The following SYNCRIP variants were observed in gnomAD, a reference collection of about 807,000 sequenced individuals.
The protein encoded by SYNCRIP is synaptotagmin binding cytoplasmic RNA interacting protein.
In SYNCRIP, 9 loss-of-function variants were observed where a neutral mutation model predicts 68.9. That is an observed-to-expected ratio of 0.13 (90% confidence interval 0.08 to 0.23). The LOEUF (loss-of-function observed/expected upper bound fraction) is 0.23, where lower values mean the gene tolerates loss of function less well. SYNCRIP is among the 10% of genes least tolerant of loss of function. The probability of loss-of-function intolerance (pLI) is 1.00; values close to 1 mark genes in which losing one functional copy is unlikely to be tolerated. For missense variants in SYNCRIP, 414 were observed against 770.6 expected (o/e 0.54, Z 5.48); for synonymous variants, 258 against 254.0 (o/e 1.02, Z -0.15).
intron 2 of SYNCRIP, 49 bp downstream of exon 2, chr6:85,641,243 A>G: frequency 6.5e-7 from 1 of 1,536,318 alleles, no homozygotes; most frequent in Non-Finnish European, 8.9e-7. Flanking sequence ...AAAGCCAGAA[A>G]TCCAATAGAA....
rs1247941095 is a variant in SYNCRIP, at chr6:85,637,275, A to G, written c.457T>C (p.Tyr153His). The G allele has an allele frequency of 1.2e-6, 2 of 1,614,054 alleles. No individual in the cohort carries two copies. The highest frequency in any genetic ancestry group is 2.7e-5 in the African/African-American group (2 of 74,946). The change falls in exon 5 of 11, where the codon TAT becomes CAT. Residue 153 changes from tyrosine (Y) to histidine (H), a missense_variant. Tyr to His is a moderately conservative substitution (Grantham distance 83). Coordinates refer to ENST00000369622, the MANE Select transcript of SYNCRIP (RefSeq NM_006372.5). ...CCAACAGAAGGCTGCTGACCTGAAT[A>G]AACGGAATCTGGAGGTGGTCCTCCA... ...KYGGPPPDSV[Y>H]SGQQPSVGTE...
rs553973725 is a variant in SYNCRIP, at chr6:85,634,386, G to A, written c.666+2581C>T. Among the ~76,000 whole-genome samples the A allele has an allele frequency of 3.9e-5, 6 of 152,250 alleles. No individual in the cohort carries two copies. In the East Asian group the frequency reaches 1.2e-3, roughly 29 times the overall value. ...TGACGGCAAGAATTAGGTAACCTAC[G>A]ATGTCAGTTTAATGATTCTTTTTCA... On this transcript the variant is annotated intron_variant, in intron 6 of 10. Coordinates refer to ENST00000369622, the MANE Select transcript of SYNCRIP (RefSeq NM_006372.5).
chr6:85,633,649 T>C (rs1808091674), intron 6 of SYNCRIP, among the ~76,000 whole-genome samples: 1 of 152,176 alleles, frequency 6.6e-6, no homozygotes, highest in Admixed American at 6.5e-5. Flanking sequence ...TATATCCTAC[T>C]GGCTGTATAC....
chr6:85,642,329 G>A (rs1809285873), intron 1 of SYNCRIP, among the ~76,000 whole-genome samples: 1 of 152,138 alleles, frequency 6.6e-6, no homozygotes. Flanking sequence ...CGCTGTGCAG[G>A]TCCCCACCCC....
chr6:85,630,021 C>T (rs1055014821), intron 6 of SYNCRIP, among the ~76,000 whole-genome samples: 2 of 151,174 alleles, frequency 1.3e-5, no homozygotes, highest in African/African-American at 4.9e-5. Context: ...TGACAGTATA[C>T]ATAACCAATC....
At chr6:85,615,374 G>T in intron 10 of SYNCRIP, 27 bp from the exon 11 acceptor site, 2 of 1,406,884 alleles carry the variant, frequency 1.4e-6, no homozygotes, top group Non-Finnish European at 1.9e-6. Flanking sequence ...AGAGATTAGA[G>T]TTTAAATCAA....
At chr6:85,630,430 T>C (rs748716231) in intron 6 of SYNCRIP, among the ~76,000 whole-genome samples, 4 of 152,226 alleles carry the variant, frequency 2.6e-5, no homozygotes, top group African/African-American at 4.8e-5. Flanking sequence ...TGCTTGTACA[T>C]AGACATTATT....
At chr6:85,628,455 C>T (rs1185358274) in intron 6 of SYNCRIP, among the ~76,000 whole-genome samples, 1 of 152,130 alleles carries the variant, frequency 6.6e-6, no homozygotes, top group Admixed American at 6.5e-5. Flanking sequence ...TTTCATATAC[C>T]TGGCACACAA....
Position 85,615,025 on chromosome 6 carries a change from C to T in SYNCRIP, c.1603G>A (p.Val535Ile), listed in dbSNP as rs200994802. ...TGGGCACCTCCTCTCGCACCTCGAA[C>T]GCCTCTTGCTGATCCAGGACCTCCT... is the stretch of plus-strand genomic sequence containing the variant. ...QRGGPGSARGVRGARGGAQQQ... is the reference protein window; with the variant it reads ...QRGGPGSARGIRGARGGAQQQ... The change falls in exon 11 of 11, where the codon GTT becomes ATT. Residue 535 changes from valine (V) to isoleucine (I), a missense_variant. Physicochemically the swap from Val to Ile is conservative, Grantham distance 29. Coordinates refer to ENST00000369622, the MANE Select transcript of SYNCRIP (RefSeq NM_006372.5). The T allele has an allele frequency of 2.1e-4, 337 of 1,613,944 alleles. No homozygotes were observed. The highest frequency in any genetic ancestry group is 2.6e-4 in the Non-Finnish European group (307 of 1,179,944).
chr6:85,617,346 G>C (rs1280355387), intron 10 of SYNCRIP, among the ~76,000 whole-genome samples: 1 of 152,086 alleles, frequency 6.6e-6, no homozygotes, highest in Non-Finnish European at 1.5e-5. Flanking sequence ...AGTACCAAAT[G>C]TAACTGCTCT....
intron 7 of SYNCRIP, among the ~76,000 whole-genome samples, chr6:85,623,719 A>G (rs1806717769): frequency 6.6e-6 from 1 of 152,198 alleles, no homozygotes; most frequent in African/African-American, 2.4e-5. Context: ...AAAACATAGG[A>G]AGAACAATGA....
chr6:85,617,525 T>G (rs1273408063), intron 10 of SYNCRIP, among the ~76,000 whole-genome samples: 1 of 152,272 alleles, frequency 6.6e-6, no homozygotes, highest in African/African-American at 2.4e-5. Flanking sequence ...TTCCTTCATT[T>G]ACACTATCAT....
chr6:85,619,094 T>G (rs1200966324), intron 9 of SYNCRIP, among the ~76,000 whole-genome samples, 155 bp from the exon 10 acceptor site: 3 of 152,224 alleles, frequency 2.0e-5, no homozygotes, highest in Admixed American at 1.3e-4. Context: ...AGATATTCAA[T>G]TATTTTTCAT....
chr6:85,623,846 T>C, intron 7 of SYNCRIP, 131 bp downstream of exon 7: 1 of 1,135,234 alleles, frequency 8.8e-7, no homozygotes, highest in Non-Finnish European at 1.2e-6. Flanking sequence ...TGGGGTTACC[T>C]ACACTTCAAA....
Position 85,640,339 on chromosome 6 carries a change from AT to A in SYNCRIP, c.268-12del, listed in dbSNP as rs778076362. ...AAAGGCACTTTTGTTCTGCAAAAAA[AT>A]GTTCCATTAATATTTAACAATAACC... On this transcript the variant is annotated splice_polypyrimidine_tract_variant and intron_variant, in intron 3 of 10. Transcript: ENST00000369622. 1.3e-5 allele frequency: 21 copies of A among 1,609,290 alleles called. No homozygotes were observed. Among genetic ancestry groups the A allele is most frequent in the African/African-American group, 2.7e-5 (2 of 74,752 alleles).
intron 6 of SYNCRIP, among the ~76,000 whole-genome samples, chr6:85,632,475 G>A (rs1807911004): frequency 6.6e-6 from 1 of 152,046 alleles, no homozygotes; most frequent in South Asian, 2.1e-4. Context: ...CTTAGGAAAG[G>A]GGTATTCATG....
At chr6:85,635,774 C>CAAAAAAAAAAAAAAA (rs58599854) in intron 6 of SYNCRIP, among the ~76,000 whole-genome samples, 3 of 78,908 alleles carry the variant, frequency 3.8e-5, no homozygotes, top group African/African-American at 1.4e-4. Flanking sequence ...TTCTATCTCC[C>CAAAAAAAAAAAAAAA]AAAAAAAAAA....
intron 10 of SYNCRIP, among the ~76,000 whole-genome samples, chr6:85,618,230 T>A (rs115116993): frequency 0.016 from 2,424 of 152,230 alleles, 62 homozygotes; most frequent in African/African-American, 0.054. Flanking sequence ...AAGAACATTC[T>A]GTAAAATACA....
intron 1 of SYNCRIP, among the ~76,000 whole-genome samples, chr6:85,642,184 G>A (rs1809254371): frequency 1.3e-5 from 2 of 152,128 alleles, no homozygotes; most frequent in Admixed American, 6.5e-5. Flanking sequence ...CGAGGCACCG[G>A]CGGCGCCAGG....
Sources: gnomAD v4.1 joint callset for allele counts (sites outside exome capture counted in the v4.1 genomes callset) on GRCh38, gnomAD v4.1.1 for gene constraint, MANE v1.5 for transcripts, NCBI Gene and HGNC (gene_info 2026-07-23, HGNC 2026-07-21) for gene names.